Variants in ATRX observed in about 807,000 individuals in gnomAD.
ATRX encodes the protein ATRX chromatin remodeler.
In ATRX, 12 loss-of-function variants were observed where a neutral mutation model predicts 172.6. The observed-to-expected ratio is 0.07, with a 90% CI of 0.04 to 0.11. ATRX has a LOEUF of 0.11. ATRX is among the 10% of genes least tolerant of loss of function. The pLI, the probability that ATRX is intolerant of heterozygous loss-of-function variation, is 1.00. For missense variants in ATRX, 1,368 were observed against 1,767.4 expected (o/e 0.77, Z 4.05); for synonymous variants, 674 against 594.7 (o/e 1.13, Z -1.94).
intron 30 of ATRX, among the ~76,000 whole-genome samples, chrX:77,542,608 A>G (rs1447794847): frequency 8.9e-6 from 1 of 111,849 alleles, no homozygotes; most frequent in Non-Finnish European, 1.9e-5. Context: ...TGGTACTGGT[A>G]CCAAAACAGA....
intron 6 of ATRX, 100 bp downstream of exon 6, chrX:77,693,724 A>C: frequency 1.6e-6 from 1 of 631,560 alleles, no homozygotes; most frequent in Middle Eastern, 4.6e-4. Flanking sequence ...TAATAAACAA[A>C]AGGCAGAAAA....
chrX:77,697,677 A>C (rs1557150796), intron 3 of ATRX, 42 bp from the exon 4 acceptor site: 1 of 1,126,765 alleles, frequency 8.9e-7, no homozygotes, highest in Non-Finnish European at 1.2e-6. Flanking sequence ...AAAATTCTCG[A>C]AACGGCATCC....
At chrX:77,620,813 G>A (rs1258870396) in intron 19 of ATRX, among the ~76,000 whole-genome samples, 3 of 111,310 alleles carry the variant, frequency 2.7e-5, no homozygotes, top group Non-Finnish European at 5.7e-5. Context: ...AACAACAAGA[G>A]GGAAAAAGTT....
rs1263453597 is a variant in ATRX at position 77,594,037 on chromosome X, G to C, written c.5957-188C>G. 9.7e-6 allele frequency: 4 copies of C among 412,259 alleles called. No homozygotes were observed. The East Asian group carries it at 1.6e-4, about 16-fold the overall frequency. 34.0% of individuals were successfully genotyped at this position (412,259 alleles called of 1,213,427 possible). A position where few individuals can be genotyped will look rare whatever the true frequency, so the allele number is the denominator to read the frequency against. On this transcript the variant is annotated intron_variant, in intron 25 of 34. Transcript: ENST00000373344. ...GCACAGAAGGACAGAGACTATCCCA[G>C]AAGAGTGAGCTCTAGATAGAAAAAG...
intron 30 of ATRX, among the ~76,000 whole-genome samples, chrX:77,529,048 G>C (rs1237748203): frequency 1.8e-5 from 2 of 111,828 alleles, no homozygotes; most frequent in East Asian, 5.6e-4. Context: ...ACCAAGGTGA[G>C]GAAAGAATCT....
chrX:77,722,886 G>A (rs1293084504), intron 1 of ATRX, among the ~76,000 whole-genome samples: 1 of 111,832 alleles, frequency 8.9e-6, no homozygotes, highest in African/African-American at 3.2e-5. Context: ...AAAGACACAT[G>A]CACACATGTT....
chrX:77,581,739 T>C (rs2065832152), intron 27 of ATRX, among the ~76,000 whole-genome samples: 1 of 112,082 alleles, frequency 8.9e-6, no homozygotes, highest in African/African-American at 3.2e-5. Flanking sequence ...AGAATACACA[T>C]TTTTTTCCTC....
intron 1 of ATRX, among the ~76,000 whole-genome samples, chrX:77,720,909 T>C (rs782511638): frequency 9.0e-6 from 1 of 111,622 alleles, no homozygotes; most frequent in Admixed American, 9.5e-5. Context: ...CTGATGAACA[T>C]CGATGCAAAA....
chrX:77,509,811 C>T (rs1349608613), intron 34 of ATRX, among the ~76,000 whole-genome samples: 1 of 107,184 alleles, frequency 9.3e-6, no homozygotes, highest in East Asian at 3.0e-4. Context: ...CCACTGTGGA[C>T]TAAAGAGTTC....
chrX:77,747,185 C>T (rs181249354), intron 1 of ATRX, among the ~76,000 whole-genome samples: 5 of 111,666 alleles, frequency 4.5e-5, no homozygotes, highest in African/African-American at 6.5e-5. Context: ...TCTCTTGCCT[C>T]GAAAACTTCC....
chrX:77,618,072 T>A (rs1050998249), intron 21 of ATRX, among the ~76,000 whole-genome samples: 3 of 111,506 alleles, frequency 2.7e-5, no homozygotes, highest in South Asian at 7.5e-4. Context: ...ATCTATTTTT[T>A]AAAAAAATAT....
At chrX:77,648,050 A>T (rs1383272510) in intron 15 of ATRX, among the ~76,000 whole-genome samples, 2 of 111,974 alleles carry the variant, frequency 1.8e-5, no homozygotes, top group Non-Finnish European at 3.8e-5. Context: ...GAGTCACATT[A>T]CATGTTGTTA....
In ATRX at chrX:77,518,865, A is replaced by AT. The variant is rs782584123; in HGVS notation, c.7200+1922dup. 2.6e-4 allele frequency among the ~76,000 whole-genome samples: 29 copies of AT among 111,650 alleles called. 1 individual carries two copies. In the East Asian group the frequency reaches 2.8e-3, roughly 11 times the overall value. On this transcript the variant is annotated intron_variant, in intron 34 of 34. Coordinates refer to ENST00000373344, the MANE Select transcript of ATRX (RefSeq NM_000489.6). The stretch of plus-strand genomic sequence containing the variant: ...AACAAATCCACACACCAGTAAACTC[A>AT]TTTTTTGCACAGGTGCCATGAACAT...
rs782176329 is a variant in ATRX, at chrX:77,773,198, A to C, written c.20+12784T>G. Among the ~76,000 whole-genome samples the C allele has an allele frequency of 2.7e-5, 3 of 109,489 alleles. No individual in the cohort carries two copies. The South Asian group carries it at 1.2e-3, about 43-fold the overall frequency. On this transcript the variant is annotated intron_variant, in intron 1 of 34. Transcript: ENST00000373344. ...AGGAAATATATTATTTCATATGCTT[A>C]ACAACAGGTCCAATCACTTTAACAT... is the stretch of plus-strand genomic sequence containing the variant.
At chrX:77,673,759 A>C (rs1342604090) in intron 10 of ATRX, among the ~76,000 whole-genome samples, 2 of 111,050 alleles carry the variant, frequency 1.8e-5, no homozygotes, top group Non-Finnish European at 3.8e-5. Context: ...TAGTAGTTAA[A>C]TCTGTTGTAA....
chrX:77,605,055 T>C (rs1182159774), intron 22 of ATRX, among the ~76,000 whole-genome samples: 1 of 112,066 alleles, frequency 8.9e-6, no homozygotes. Context: ...AGAATGTACA[T>C]TATTCTGTGT....
intron 22 of ATRX, among the ~76,000 whole-genome samples, chrX:77,604,998 A>G (rs1399347608): frequency 8.9e-6 from 1 of 112,245 alleles, no homozygotes; most frequent in Non-Finnish European, 1.9e-5. Flanking sequence ...GAGACTTGGA[A>G]GGGTCGGGGG....
At position 77,684,107 on chromosome X, in the gene ATRX, G is replaced by T. The variant is rs1557142243; in HGVS notation, c.1149C>A (p.Ile383=). The T allele has an allele frequency of 8.3e-7, 1 of 1,207,902 alleles. No homozygotes were observed. The highest frequency in any genetic ancestry group is 3.0e-5 in the East Asian group (1 of 33,817). ...FLKQATDNSE[I]SSATKLRQLK... ...GCTGACGTAATTTTGTAGCAGAACT[G>T]ATTTCTGAATTATCTGTTGCCTGCT... Residue 383 remains isoleucine (I), a synonymous_variant, in exon 9 of 35, where the codon ATC becomes ATA. Transcript: ENST00000373344.
At chrX:77,738,964 G>A (rs1274670730) in intron 1 of ATRX, among the ~76,000 whole-genome samples, 1 of 111,594 alleles carries the variant, frequency 9.0e-6, no homozygotes, top group Non-Finnish European at 1.9e-5. Flanking sequence ...CTTTGTTACT[G>A]TCTTATTTAC....
Sources: allele counts gnomAD v4.1 joint callset (sites outside exome capture counted in the v4.1 genomes callset), GRCh38; gene constraint gnomAD v4.1.1; transcripts MANE v1.5; gene names NCBI Gene and HGNC (gene_info 2026-07-23, HGNC 2026-07-21).